The following SCAPER variants were observed in gnomAD, a reference collection of about 807,000 sequenced individuals.
SCAPER encodes S phase cyclin A-associated protein in the endoplasmic reticulum.
In SCAPER, 98 loss-of-function variants were observed where a neutral mutation model predicts 182.2. The ratio of observed to expected loss-of-function variants is 0.54; its 90% confidence interval spans 0.46 to 0.64. The LOEUF is 0.64. SCAPER is among the 30% of genes least tolerant of loss of function. The probability of loss-of-function intolerance (pLI) is 0.00; values close to 1 mark genes in which losing one functional copy is unlikely to be tolerated. For missense variants in SCAPER, 1,432 were observed against 1,690.0 expected (o/e 0.85, Z 2.68); for synonymous variants, 605 against 564.6 (o/e 1.07, Z -1.01).
intron 20 of SCAPER, among the ~76,000 whole-genome samples, chr15:76,694,778 CA>C (rs1267326617): frequency 5.9e-5 from 9 of 151,988 alleles, no homozygotes; most frequent in Non-Finnish European, 1.3e-4. Flanking sequence ...AAAGAAAAAT[CA>C]TAAGATATTT....
At chr15:76,604,520 G>T (rs1320894423) in intron 22 of SCAPER, among the ~76,000 whole-genome samples, 2 of 120,464 alleles carry the variant, frequency 1.7e-5, no homozygotes, top group Non-Finnish European at 4.0e-5. Flanking sequence ...CTCTTTTTTG[G>T]TTCCATATGA....
intron 20 of SCAPER, among the ~76,000 whole-genome samples, chr15:76,687,874 T>C (rs2058120320): frequency 6.6e-6 from 1 of 152,242 alleles, no homozygotes; most frequent in Non-Finnish European, 1.5e-5. Context: ...AAGTATTTGC[T>C]ATTGTGAACA....
chr15:76,526,158 C>T (rs565630270), intron 23 of SCAPER, among the ~76,000 whole-genome samples: 93 of 152,178 alleles, frequency 6.1e-4, no homozygotes, highest in African/African-American at 2.2e-3. Context: ...TTGAAGTATA[C>T]CTTTTAATTA....
intron 23 of SCAPER, among the ~76,000 whole-genome samples, chr15:76,518,281 C>T (rs947715733): frequency 6.6e-6 from 1 of 152,210 alleles, no homozygotes; most frequent in African/African-American, 2.4e-5. Context: ...TGGAGCTCAT[C>T]TCTGCAGGCT....
At chr15:76,511,843 ATGTGTG>A (rs1555461783) in intron 23 of SCAPER, among the ~76,000 whole-genome samples, 1 of 123,308 alleles carries the variant, frequency 8.1e-6, no homozygotes, top group African/African-American at 3.4e-5. Context: ...ATATATATAT[ATGTGTG>A]TGTGTGTGTG....
chr15:76,402,509 C>G (rs1482350997), intron 27 of SCAPER, among the ~76,000 whole-genome samples: 2 of 152,058 alleles, frequency 1.3e-5, no homozygotes, highest in African/African-American at 4.8e-5. Flanking sequence ...CCTATGGAAG[C>G]CTTTTTTGAC....
intron 8 of SCAPER, among the ~76,000 whole-genome samples, chr15:76,778,981 A>C (rs1157867014): frequency 6.6e-6 from 1 of 152,092 alleles, no homozygotes; most frequent in Non-Finnish European, 1.5e-5. Context: ...GAAAATTACT[A>C]AGGACAAAAA....
intron 23 of SCAPER, among the ~76,000 whole-genome samples, chr15:76,530,887 T>A (rs962511308): frequency 7.9e-5 from 12 of 151,844 alleles, no homozygotes; most frequent in Admixed American, 2.6e-4. Flanking sequence ...TTTAAAGTTA[T>A]GTTTGTGTGT....
intron 5 of SCAPER, among the ~76,000 whole-genome samples, chr15:76,810,551 C>CCACACA (rs67252250): frequency 3.8e-4 from 51 of 133,458 alleles, no homozygotes; most frequent in African/African-American, 9.7e-4. Context: ...AAAAAAAAAA[C>CCACACA]CACACACACA....
At chr15:76,511,885 A>ATT (rs57258010) in intron 23 of SCAPER, among the ~76,000 whole-genome samples, 4 of 113,624 alleles carry the variant, frequency 3.5e-5, no homozygotes, top group African/African-American at 1.0e-4. Flanking sequence ...ATATATATAT[A>ATT]TTTTTTTTTT....
At chr15:76,417,945 G>T (rs1232544474) in intron 26 of SCAPER, among the ~76,000 whole-genome samples, 1 of 152,106 alleles carries the variant, frequency 6.6e-6, no homozygotes, top group Admixed American at 6.5e-5. Flanking sequence ...TTGAACCCGG[G>T]AGGCGGAGGG....
chr15:76,905,057 C>G (rs1275846035), intron 1 of SCAPER: 1 of 152,896 alleles, frequency 6.5e-6, no homozygotes, highest in Non-Finnish European at 1.5e-5. Flanking sequence ...CGCGGCTCAC[C>G]CCAGCCCCCG....
intron 5 of SCAPER, among the ~76,000 whole-genome samples, chr15:76,837,519 T>C (rs2069063531): frequency 6.6e-6 from 1 of 152,112 alleles, no homozygotes; most frequent in Non-Finnish European, 1.5e-5. Flanking sequence ...GAGAACTCAC[T>C]CACTATCACG....
chr15:76,858,254 C>A (rs938800234), intron 3 of SCAPER, among the ~76,000 whole-genome samples: 2 of 152,126 alleles, frequency 1.3e-5, no homozygotes, highest in Admixed American at 6.5e-5. Context: ...GTTCAAATTT[C>A]ATTTCAACAA....
intron 21 of SCAPER, among the ~76,000 whole-genome samples, chr15:76,659,891 G>T (rs2055987287): frequency 6.6e-6 from 1 of 151,978 alleles, no homozygotes; most frequent in South Asian, 2.1e-4. Flanking sequence ...TCCATTATTG[G>T]GTATATACCC....
intron 5 of SCAPER, among the ~76,000 whole-genome samples, chr15:76,824,259 G>A (rs564863247): frequency 6.6e-6 from 1 of 152,346 alleles, no homozygotes; most frequent in South Asian, 2.1e-4. Context: ...TAGATGTACA[G>A]CTAAAATTAC....
intron 24 of SCAPER, among the ~76,000 whole-genome samples, chr15:76,474,761 T>C (rs560555687): frequency 2.6e-5 from 4 of 152,206 alleles, no homozygotes; most frequent in Non-Finnish European, 5.9e-5. Flanking sequence ...AATAATATGT[T>C]AATAAACAGA....
intron 18 of SCAPER, among the ~76,000 whole-genome samples, chr15:76,703,769 C>T (rs941971869): frequency 1.3e-5 from 2 of 152,160 alleles, no homozygotes; most frequent in African/African-American, 4.8e-5. Flanking sequence ...TACTTAGCAT[C>T]TGAATTTAAA....
intron 24 of SCAPER, among the ~76,000 whole-genome samples, chr15:76,498,835 A>C (rs988882056): frequency 9.9e-5 from 15 of 152,164 alleles, no homozygotes; most frequent in Non-Finnish European, 1.6e-4. Flanking sequence ...TAGTGAACAA[A>C]GCTCCATTTC....
Sources: gnomAD v4.1 joint callset for allele counts (sites outside exome capture counted in the v4.1 genomes callset) on GRCh38, gnomAD v4.1.1 for gene constraint, MANE v1.5 for transcripts, NCBI Gene and HGNC (gene_info 2026-07-23, HGNC 2026-07-21) for gene names.